The following PIK3R3 variants were observed in gnomAD, a reference collection of about 807,000 sequenced individuals.
The protein encoded by PIK3R3 is phosphoinositide-3-kinase regulatory subunit 3.
Under a neutral mutation model 62.9 loss-of-function variants are expected in PIK3R3, and 64 were observed. The observed-to-expected ratio is 1.02, with a 90% CI of 0.83 to 1.25. PIK3R3 has a LOEUF of 1.25. Among genes scored for constraint, PIK3R3 ranks in the 50% most tolerant of loss-of-function variants. PIK3R3 has a pLI of 0.00. For missense variants in PIK3R3, 614 were observed against 561.6 expected (o/e 1.09, Z -0.94); for synonymous variants, 165 against 189.0 (o/e 0.87, Z 1.04).
At chr1:46,110,658 C>G (rs1398650222) in intron 1 of PIK3R3, among the ~76,000 whole-genome samples, 1 of 152,100 alleles carries the variant, frequency 6.6e-6, no homozygotes, top group African/African-American at 2.4e-5. Context: ...TCTTACCCAT[C>G]TTTGTATCTC....
chr1:46,060,213 C>T (rs1422286881), intron 6 of PIK3R3, among the ~76,000 whole-genome samples: 1 of 152,092 alleles, frequency 6.6e-6, no homozygotes, highest in African/African-American at 2.4e-5. Flanking sequence ...TTAGGCCAGG[C>T]GCAGTAGCTC....
rs553236002 is a variant in PIK3R3 at position 46,115,948 on chromosome 1, C to G, written c.106+15899G>C. Among the ~76,000 whole-genome samples, 9 of 151,986 alleles carry G rather than the reference C, an allele frequency of 5.9e-5. No homozygotes were observed. In the East Asian group the frequency reaches 1.5e-3, roughly 26 times the overall value. On this transcript the variant is annotated intron_variant, in intron 1 of 9. Coordinates refer to ENST00000262741, the MANE Select transcript of PIK3R3 (RefSeq NM_003629.4). ...AACTTAATAGGTTTGAGAAGGGTTACAAAAGAAACGCAAAAATAAGACTGC... is the reference window on the plus strand; with the variant it reads ...AACTTAATAGGTTTGAGAAGGGTTAGAAAAGAAACGCAAAAATAAGACTGC...
At chr1:46,084,018 A>G (rs2149418653) in intron 1 of PIK3R3, among the ~76,000 whole-genome samples, 1 of 152,374 alleles carries the variant, frequency 6.6e-6, no homozygotes, top group African/African-American at 2.4e-5. Context: ...AAAACAACCC[A>G]AATATCTATC....
At chr1:46,081,362 G>A (rs1257441698) in intron 1 of PIK3R3, among the ~76,000 whole-genome samples, 1 of 152,084 alleles carries the variant, frequency 6.6e-6, no homozygotes, top group African/African-American at 2.4e-5. Flanking sequence ...TAACCCCCGG[G>A]CTGCGGACTG....
intron 1 of PIK3R3, among the ~76,000 whole-genome samples, chr1:46,105,587 A>C (rs1471996863): frequency 6.6e-6 from 1 of 152,184 alleles, no homozygotes; most frequent in Non-Finnish European, 1.5e-5. Flanking sequence ...AGGCTGAGGC[A>C]GGTGGATCAC....
At chr1:46,089,700 G>A (rs1651430406) in intron 1 of PIK3R3, among the ~76,000 whole-genome samples, 1 of 147,904 alleles carries the variant, frequency 6.8e-6, no homozygotes, top group Non-Finnish European at 1.5e-5. Context: ...AGGCAACAGA[G>A]TGAGACTCCA....
intron 1 of PIK3R3, among the ~76,000 whole-genome samples, chr1:46,126,588 T>A (rs982561348): frequency 6.6e-6 from 1 of 151,286 alleles, no homozygotes; most frequent in Non-Finnish European, 1.5e-5. Flanking sequence ...ATAGTAAAGA[T>A]GTCAATGCCA....
chr1:46,148,308 C>G, the PIK3R3 span, among the ~76,000 whole-genome samples: 4 of 152,188 alleles, frequency 2.6e-5, no homozygotes, highest in Non-Finnish European at 5.9e-5. Context: ...ACTTCAGGAA[C>G]AGCTGAGTGG....
At chr1:46,145,079 C>T in the PIK3R3 span, among the ~76,000 whole-genome samples, 9 of 149,438 alleles carry the variant, frequency 6.0e-5, no homozygotes, top group Admixed American at 3.4e-4. Flanking sequence ...GCTAAGATCG[C>T]GCCATTGCAC....
the PIK3R3 span, among the ~76,000 whole-genome samples, chr1:46,159,738 T>TAAACACACAC: frequency 1.4e-5 from 2 of 148,010 alleles, no homozygotes; most frequent in African/African-American, 5.0e-5. Flanking sequence ...ATGAGTACCA[T>TAAACACACAC]ACACACACAC....
rs1317509050 is a variant in PIK3R3 at position 46,088,375 on chromosome 1, G to C, written c.107-7625C>G. 2.6e-5 allele frequency among the ~76,000 whole-genome samples: 4 copies of C among 152,000 alleles called. No homozygotes were observed. The East Asian group carries it at 7.7e-4, about 29-fold the overall frequency. ...GTGACCAAAACAAGAAGAAACTTGG[G>C]AGTAACCAGAGAATTAAAGGGAAAA... On this transcript the variant is annotated intron_variant, in intron 1 of 9. Coordinates refer to ENST00000262741, the MANE Select transcript of PIK3R3 (RefSeq NM_003629.4).
intron 7 of PIK3R3, among the ~76,000 whole-genome samples, chr1:46,051,192 G>A (rs963706343): frequency 2.0e-5 from 3 of 151,996 alleles, no homozygotes; most frequent in African/African-American, 4.8e-5. Flanking sequence ...TGTATGCGAT[G>A]TAAACTGTAT....
At chr1:46,090,299 T>G (rs1651491750) in intron 1 of PIK3R3, among the ~76,000 whole-genome samples, 1 of 149,848 alleles carries the variant, frequency 6.7e-6, no homozygotes, top group African/African-American at 2.4e-5. Context: ...AAACTGCTGT[T>G]CTACGCAGTC....
At chr1:46,135,856 T>TC (rs768160088), upstream of PIK3R3, among the ~76,000 whole-genome samples, 10 of 151,814 alleles carry the variant, frequency 6.6e-5, no homozygotes, top group Non-Finnish European at 4.4e-5. Flanking sequence ...GTGGTGAAAC[T>TC]CCGTCTATAC....
chr1:46,119,670 A>G (rs1450360105), intron 1 of PIK3R3, among the ~76,000 whole-genome samples: 1 of 151,714 alleles, frequency 6.6e-6, no homozygotes, highest in Non-Finnish European at 1.5e-5. Flanking sequence ...TAGCCTCACT[A>G]TGCTGCCCAG....
At chr1:46,161,974 C>T in the PIK3R3 span, among the ~76,000 whole-genome samples, 1 of 151,854 alleles carries the variant, frequency 6.6e-6, no homozygotes, top group African/African-American at 2.4e-5. Context: ...CACCTGTAGT[C>T]CCAGCTGCTT....
chr1:46,071,409 A>T (rs1004008723), intron 3 of PIK3R3, among the ~76,000 whole-genome samples: 2 of 151,912 alleles, frequency 1.3e-5, no homozygotes, highest in East Asian at 3.9e-4. Flanking sequence ...GCTAGAAGTC[A>T]ACATCTATCC....
intron 1 of PIK3R3, among the ~76,000 whole-genome samples, chr1:46,126,800 A>T (rs1655134176): frequency 6.6e-6 from 1 of 151,336 alleles, no homozygotes; most frequent in South Asian, 2.1e-4. Flanking sequence ...ATAATGCTTT[A>T]TTATTTTTTA....
At chr1:46,051,278 T>A (rs77431150) in intron 7 of PIK3R3, among the ~76,000 whole-genome samples, 1 of 152,012 alleles carries the variant, frequency 6.6e-6, no homozygotes, top group Non-Finnish European at 1.5e-5. Context: ...CTTTTTTTTT[T>A]AATACAGAGT....
Sources: gnomAD v4.1 joint callset for allele counts (sites outside exome capture counted in the v4.1 genomes callset) on GRCh38, gnomAD v4.1.1 for gene constraint, MANE v1.5 for transcripts, NCBI Gene and HGNC (gene_info 2026-07-23, HGNC 2026-07-21) for gene names.